Variants in GASK1B observed in about 807,000 individuals in gnomAD.
GASK1B encodes Golgi-associated kinase 1B.
Under a neutral mutation model 42.8 loss-of-function variants are expected in GASK1B, and 34 were observed. That is an observed-to-expected ratio of 0.79 (90% CI 0.60 to 1.06). The LOEUF (loss-of-function observed/expected upper bound fraction) is 1.06. GASK1B is among the 50% of genes least tolerant of loss of function. The pLI, the probability that GASK1B is intolerant of heterozygous loss-of-function variation, is 0.00. For synonymous variants in GASK1B, 262 were observed against 259.1 expected (o/e 1.01, Z -0.11); for missense variants, 686 against 661.0 (o/e 1.04, Z -0.42).
At chr4:158,140,798 C>T (rs910809893) in intron 3 of GASK1B, among the ~76,000 whole-genome samples, 3 of 152,188 alleles carry the variant, frequency 2.0e-5, no homozygotes, top group Non-Finnish European at 2.9e-5. Context: ...CTTTCTAGCC[C>T]AGCTATGTCT....
intron 2 of GASK1B, among the ~76,000 whole-genome samples, chr4:158,164,893 T>C (rs1732166324): frequency 6.6e-6 from 1 of 152,162 alleles, no homozygotes; most frequent in Non-Finnish European, 1.5e-5. Context: ...ACATACCATA[T>C]ATTTCTCCTA....
intron 3 of GASK1B, among the ~76,000 whole-genome samples, chr4:158,137,676 C>T (rs1730954612): frequency 6.6e-6 from 1 of 152,150 alleles, no homozygotes; most frequent in African/African-American, 2.4e-5. Context: ...TAGACACAGC[C>T]TCTTGCTTGG....
Position 158,127,420 on chromosome 4 carries a change from G to A in GASK1B, c.1547C>T (p.Pro516Leu), listed in dbSNP as rs562853893. 13 of 1,613,008 alleles carry A rather than the reference G, an allele frequency of 8.1e-6. No individual in the cohort carries two copies. In the African/African-American group the frequency reaches 1.5e-4, roughly 18 times the overall value. Residue 516 changes from proline (P) to leucine (L), a missense_variant, in exon 5 of 5, where the codon CCT becomes CTT. Transcript: ENST00000585682. ...AAGATTCTTTTGTCATTCATTCATA[G>A]GTAATACTTTGACCCCGTGTGCATT... ...YINAHGVKVL[P>L]MNE
At chr4:158,144,723 G>A (rs78320414) in intron 3 of GASK1B, among the ~76,000 whole-genome samples, 3,061 of 152,186 alleles carry the variant, frequency 0.02, 104 homozygotes, top group African/African-American at 0.068. Flanking sequence ...ACCCAATACT[G>A]ACAACTAATC....
At chr4:158,135,029 G>A (rs1730829077) in intron 3 of GASK1B, among the ~76,000 whole-genome samples, 1 of 152,060 alleles carries the variant, frequency 6.6e-6, no homozygotes, top group Admixed American at 6.6e-5. Context: ...TTGGATGAAG[G>A]CAATAAAAAG....
chr4:158,148,815 C>T (rs184458979), intron 3 of GASK1B, among the ~76,000 whole-genome samples: 238 of 152,262 alleles, frequency 1.6e-3, no homozygotes, highest in African/African-American at 5.5e-3. Context: ...AGACCACAGA[C>T]AATAGGCAAG....
chr4:158,165,377 T>C (rs1464368260), intron 2 of GASK1B, among the ~76,000 whole-genome samples: 1 of 152,210 alleles, frequency 6.6e-6, no homozygotes, highest in African/African-American at 2.4e-5. Flanking sequence ...CCACACAGTA[T>C]CTGGTGACTT....
chr4:158,127,641 CT>C (rs2110918700), intron 4 of GASK1B, 27 bp from the exon 5 acceptor site: 1 of 1,594,648 alleles, frequency 6.3e-7, no homozygotes, highest in South Asian at 1.1e-5. Flanking sequence ...ATATTTCAAT[CT>C]TAGTAATTGC....
chr4:158,165,511 G>A (rs1359328900), intron 2 of GASK1B, among the ~76,000 whole-genome samples: 1 of 151,936 alleles, frequency 6.6e-6, no homozygotes, highest in South Asian at 2.1e-4. Context: ...ACCTTGGTTT[G>A]CATTAAAAAA....
At chr4:158,167,869 A>G (rs991864330) in intron 2 of GASK1B, among the ~76,000 whole-genome samples, 1 of 152,198 alleles carries the variant, frequency 6.6e-6, no homozygotes, top group South Asian at 2.1e-4. Context: ...CCTAGAAGAA[A>G]GCTACACGCT....
In GASK1B at chr4:158,141,597, C is replaced by CA. The variant is rs1553958620; in HGVS notation, c.1126-10586_1126-10585insT. Among the ~76,000 whole-genome samples, 252 of 113,646 alleles carry CA rather than the reference C, an allele frequency of 2.2e-3. 94 individuals are homozygous for CA. Among genetic ancestry groups the CA allele is most frequent in the Admixed American group, 2.0e-3 (22 of 10,968 alleles). 74.6% of individuals were successfully genotyped at this position (113,646 alleles called of 152,430 possible). A position where few individuals can be genotyped will look rare whatever the true frequency, so the allele number is the denominator to read the frequency against. On this transcript the variant is annotated intron_variant, in intron 3 of 4. Coordinates refer to ENST00000585682, the MANE Select transcript of GASK1B (RefSeq NM_001128424.2). The stretch of plus-strand genomic sequence containing the variant: ...CATAGGTCAGTGCCTTTGTATTTAC[C>CA]TTTTTTTTTTTTTTTTTTTTTTTTT...
chr4:158,157,667 C>T (rs1426447483), intron 2 of GASK1B, among the ~76,000 whole-genome samples: 1 of 152,048 alleles, frequency 6.6e-6, no homozygotes, highest in African/African-American at 2.4e-5. Context: ...AGAAAGTAAT[C>T]AAAGGGAGTT....
chr4:158,135,920 G>A (rs1167560062), intron 3 of GASK1B, among the ~76,000 whole-genome samples: 1 of 152,024 alleles, frequency 6.6e-6, no homozygotes, highest in Non-Finnish European at 1.5e-5. Context: ...GATACAATAA[G>A]TGTATTTGGC....
At chr4:158,165,575 T>C (rs1486209541) in intron 2 of GASK1B, among the ~76,000 whole-genome samples, 1 of 152,160 alleles carries the variant, frequency 6.6e-6, no homozygotes, top group Non-Finnish European at 1.5e-5. Context: ...GTAAAAATAT[T>C]GTCAATGTTA....
intron 3 of GASK1B, among the ~76,000 whole-genome samples, chr4:158,149,753 T>C (rs1312393409): frequency 6.6e-6 from 1 of 152,118 alleles, no homozygotes; most frequent in Non-Finnish European, 1.5e-5. Flanking sequence ...AATCCAAGGA[T>C]AACTTGGTAG....
intron 3 of GASK1B, among the ~76,000 whole-genome samples, chr4:158,133,456 G>A (rs1730761879): frequency 6.6e-6 from 1 of 152,048 alleles, no homozygotes; most frequent in South Asian, 2.1e-4. Flanking sequence ...TCATAGTAGT[G>A]GGGAAAGGAC....
At chr4:158,155,181 G>T (rs1440124175) in intron 3 of GASK1B, among the ~76,000 whole-genome samples, 1 of 152,106 alleles carries the variant, frequency 6.6e-6, no homozygotes, top group Non-Finnish European at 1.5e-5. Flanking sequence ...GATTCTCTTT[G>T]TAGCAATAAG....
At chr4:158,160,564 T>C (rs1407866877) in intron 2 of GASK1B, among the ~76,000 whole-genome samples, 1 of 152,122 alleles carries the variant, frequency 6.6e-6, no homozygotes, top group African/African-American at 2.4e-5. Context: ...AAACTAAAAA[T>C]AGAATTACCA....
In GASK1B at chr4:158,171,235, G is replaced by C; in HGVS notation, c.141C>G (p.Tyr47Ter). The change falls in exon 2 of 5, where the codon TAC becomes TAG. Residue 47 changes from tyrosine (Y) to a stop codon, truncating the protein, a stop_gained. Transcript: ENST00000585682. LOFTEE classifies it high-confidence loss of function. ...NLLLGTACAI[Y>*]LGFLVSQVGR... Reference sequence around the variant, plus strand: ...CCACCTGGCTCACCAGGAAGCCCAAGTAGATGGCACACGCAGTGCCCAGCA... The same window carrying C: ...CCACCTGGCTCACCAGGAAGCCCAACTAGATGGCACACGCAGTGCCCAGCA... 6.2e-7 allele frequency: 1 copy of C among 1,614,058 alleles called. No homozygotes were observed. The highest frequency in any genetic ancestry group is 8.5e-7 in the Non-Finnish European group (1 of 1,180,010).
Sources: allele counts gnomAD v4.1 joint callset (sites outside exome capture counted in the v4.1 genomes callset), GRCh38; gene constraint gnomAD v4.1.1; transcripts MANE v1.5; gene names NCBI Gene and HGNC (gene_info 2026-07-23, HGNC 2026-07-21).